Variants in SEMA5B observed in about 807,000 individuals in gnomAD.
The protein encoded by SEMA5B is semaphorin 5B.
Under a neutral mutation model 135.0 loss-of-function variants are expected in SEMA5B, and 66 were observed. The ratio of observed to expected loss-of-function variants is 0.49; its 90% CI spans 0.40 to 0.60. SEMA5B has a LOEUF of 0.60. Among genes scored for constraint, SEMA5B ranks in the 20% least tolerant of loss-of-function variants. The probability of loss-of-function intolerance (pLI) is 0.00; values close to 1 mark genes in which losing one functional copy is unlikely to be tolerated. For synonymous variants in SEMA5B, 690 were observed against 639.5 expected (o/e 1.08, Z -1.19); for missense variants, 1,501 against 1,566.3 (o/e 0.96, Z 0.70).
chr3:123,020,109 A>G (rs1942643903), intron 1 of SEMA5B, among the ~76,000 whole-genome samples: 1 of 152,264 alleles, frequency 6.6e-6, no homozygotes, highest in African/African-American at 2.4e-5. Context: ...ATAATCATTG[A>G]TAGGCACAAA....
At position 122,961,169 on chromosome 3, in the gene SEMA5B, A is replaced by C. The variant is rs200917583; in HGVS notation, c.95T>G (p.Val32Gly). Residue 32 changes from valine to glycine, a missense_variant, in exon 2 of 23, where the codon GTA (valine) becomes GGA (glycine). This residue lies in a region of SEMA5B where 574 missense variants were observed against 684.7 expected (regional missense o/e 0.84). Coordinates refer to ENST00000357599, the MANE Select transcript of SEMA5B (RefSeq NM_001031702.4). ...PAQQLRCGWT[V>G]GGWLLSLVRG... ...GACCAGTGAGAGAAGCCAGCCCCCT[A>C]CTGTCCATCCACACCTTAGCTGTTG... is the stretch of plus-strand genomic sequence containing the variant. The C allele has an allele frequency of 4.0e-5, 65 of 1,613,324 alleles. No individual in the cohort carries two copies. The Admixed American group carries it at 6.7e-4, about 17-fold the overall frequency.
At chr3:122,940,120 G>T (rs995382628) in intron 4 of SEMA5B, among the ~76,000 whole-genome samples, 1 of 152,146 alleles carries the variant, frequency 6.6e-6, no homozygotes, top group Non-Finnish European at 1.5e-5. Flanking sequence ...TCTCCCCACA[G>T]TCCAGCCTGC....
chr3:122,931,252 T>C (rs1938959138), intron 5 of SEMA5B, among the ~76,000 whole-genome samples: 1 of 152,212 alleles, frequency 6.6e-6, no homozygotes. Context: ...AATCTCAGTC[T>C]TCATCTTTTG....
intron 17 of SEMA5B, 69 bp from the exon 18 acceptor site, chr3:122,913,130 G>C (rs974390882): frequency 4.2e-6 from 6 of 1,424,676 alleles, no homozygotes; most frequent in South Asian, 1.5e-5. Context: ...CCTCCCCGGG[G>C]CTCCCGCCCC....
intron 12 of SEMA5B, among the ~76,000 whole-genome samples, chr3:122,918,299 G>A (rs573036747): frequency 2.6e-5 from 4 of 152,326 alleles, no homozygotes; most frequent in Admixed American, 2.0e-4. Context: ...AGCCTAACCA[G>A]TTTTACAGCA....
chr3:122,996,218 A>C (rs1942018615), intron 1 of SEMA5B, among the ~76,000 whole-genome samples: 2 of 152,232 alleles, frequency 1.3e-5, no homozygotes, highest in Admixed American at 6.5e-5. Context: ...CAGGTCCCAC[A>C]ACAGAGGCTG....
At position 123,002,995 on chromosome 3, in the gene SEMA5B, C is replaced by G. The variant is rs114602201; in HGVS notation, c.-39+24469G>C. Reference sequence around the variant, plus strand: ...CATCCATAGTGTGTCATATGTCTATCATCCCAGTGACCGTGATAGGTAAAG... The same window carrying G: ...CATCCATAGTGTGTCATATGTCTATGATCCCAGTGACCGTGATAGGTAAAG... On this transcript the variant is annotated intron_variant, in intron 1 of 22. Transcript: ENST00000357599. Among the ~76,000 whole-genome samples, 818 of 152,228 alleles carry G rather than the reference C, an allele frequency of 5.4e-3. 3 individuals are homozygous for G. Among genetic ancestry groups the G allele is most frequent in the African/African-American group, 0.018 (765 of 41,538 alleles).
chr3:122,939,365 C>T, intron 5 of SEMA5B, 60 bp downstream of exon 5: 1 of 1,389,390 alleles, frequency 7.2e-7, no homozygotes. Flanking sequence ...TTGCGTTGCC[C>T]TGCCTTGGGC....
chr3:122,950,912 G>T (rs1338831602), intron 2 of SEMA5B, among the ~76,000 whole-genome samples: 2 of 152,226 alleles, frequency 1.3e-5, no homozygotes, highest in Non-Finnish European at 2.9e-5. Context: ...CTGTTAAAAA[G>T]TGTGAAGATT....
At chr3:122,972,584 C>T (rs913472572) in intron 1 of SEMA5B, among the ~76,000 whole-genome samples, 4 of 152,224 alleles carry the variant, frequency 2.6e-5, no homozygotes, top group African/African-American at 9.6e-5. Flanking sequence ...CCACTGGCTC[C>T]AGATGATCCC....
chr3:123,001,693 G>A (rs575393168), intron 1 of SEMA5B, among the ~76,000 whole-genome samples: 2 of 152,312 alleles, frequency 1.3e-5, no homozygotes, highest in Admixed American at 1.3e-4. Context: ...GCCCTTGAAA[G>A]CCCAGGCCTG....
intron 2 of SEMA5B, among the ~76,000 whole-genome samples, chr3:122,952,742 A>G (rs1383269899): frequency 6.6e-6 from 1 of 152,154 alleles, no homozygotes. Flanking sequence ...CTGCGCCAGC[A>G]GGGAGGTGGA....
upstream of SEMA5B, chr3:123,028,490 A>T (rs1270900611): frequency 2.0e-5 from 3 of 152,276 alleles, no homozygotes; most frequent in Non-Finnish European, 2.9e-5. Flanking sequence ...GGGGAGTAAA[A>T]TAACATCAGG....
chr3:122,924,103 A>G (rs981986068), intron 9 of SEMA5B, among the ~76,000 whole-genome samples: 2 of 152,194 alleles, frequency 1.3e-5, no homozygotes, highest in Non-Finnish European at 1.5e-5. Context: ...GCACACATCC[A>G]TAAAGAAGTT....
rs1940214230 is a variant in SEMA5B at position 122,954,885 on chromosome 3, C to G, written c.125-6176G>C. 2.0e-5 allele frequency among the ~76,000 whole-genome samples: 3 copies of G among 151,238 alleles called. No individual in the cohort carries two copies. In the South Asian group the frequency reaches 6.3e-4, roughly 32 times the overall value. ...CACAGCCACTGCAGCCTCAACCTCC[C>G]AGGCTCAAGCGATCCTCCCTCCTCA... On this transcript the variant is annotated intron_variant, in intron 2 of 22. Coordinates refer to ENST00000357599, the MANE Select transcript of SEMA5B (RefSeq NM_001031702.4).
At chr3:122,928,095 GTC>G in intron 7 of SEMA5B, 92 bp from the exon 8 acceptor site, 1 of 867,652 alleles carries the variant, frequency 1.2e-6, no homozygotes, top group East Asian at 2.9e-5. Context: ...CTGTGCCCCA[GTC>G]TCTCTGGGCC....
intron 1 of SEMA5B, among the ~76,000 whole-genome samples, chr3:122,966,131 C>A (rs1940807039): frequency 6.6e-6 from 1 of 152,198 alleles, no homozygotes; most frequent in Admixed American, 6.5e-5. Context: ...CTCCTCCCCA[C>A]TTCCCATGAT....
At chr3:122,946,223 C>G (rs1939787465) in intron 3 of SEMA5B, among the ~76,000 whole-genome samples, 1 of 152,204 alleles carries the variant, frequency 6.6e-6, no homozygotes, top group Non-Finnish European at 1.5e-5. Context: ...AAAGGTAACA[C>G]TGGCAAATGA....
chr3:122,996,221 A>T (rs986027980), intron 1 of SEMA5B, among the ~76,000 whole-genome samples: 2 of 152,268 alleles, frequency 1.3e-5, no homozygotes, highest in African/African-American at 4.8e-5. Context: ...GTCCCACAAC[A>T]GAGGCTGCCG....
Sources: gnomAD v4.1 joint callset for allele counts (sites outside exome capture counted in the v4.1 genomes callset) on GRCh38, gnomAD v4.1.1 for gene constraint, gnomAD v4.1.1 regional missense constraint, MANE v1.5 for transcripts, NCBI Gene and HGNC (gene_info 2026-07-23, HGNC 2026-07-21) for gene names.